GALNT18: variants seen among roughly 807,000 people sequenced by gnomAD.
GALNT18 encodes the protein polypeptide N-acetylgalactosaminyltransferase 18, also known as GalNAc-transferase 18.
Under a neutral mutation model 69.5 loss-of-function variants are expected in GALNT18, and 44 were observed. That is an observed-to-expected ratio of 0.63 (90% CI 0.50 to 0.81). The LOEUF (loss-of-function observed/expected upper bound fraction) is 0.81. Ranked by LOEUF, GALNT18 falls within the 40% of genes least tolerant of loss-of-function variation. GALNT18 has a pLI of 0.00. For missense variants in GALNT18, 715 were observed against 810.0 expected, an observed-to-expected ratio of 0.88 and a Z score of 1.42; for synonymous variants, 364 against 318.2, an observed-to-expected ratio of 1.14 and a Z score of -1.53.
At chr11:11,478,403 G>A (rs1017657120) in intron 1 of GALNT18, among the ~76,000 whole-genome samples, 2 of 152,166 alleles carry the variant, frequency 1.3e-5, no homozygotes, top group African/African-American at 4.8e-5. Context: ...CTATAAAAAG[G>A]GAGTAAACCA....
In GALNT18 at chr11:11,511,604, C is replaced by T. The variant is rs1198504778; in HGVS notation, c.236-62668G>A. ...TGCACACTGTGTTATGGAATGAAAG[C>T]TTCTGTTTCCACTAAAATTGATAGG... On this transcript the variant is annotated intron_variant, in intron 1 of 10. Transcript: ENST00000227756. This position sits in a 1 kb window ranked among gnomAD's most constrained non-coding sequence, Gnocchi z 4.9. Among the ~76,000 whole-genome samples the T allele has an allele frequency of 6.6e-6, 1 of 152,230 alleles. No individual in the cohort carries two copies. The highest frequency in any genetic ancestry group is 1.5e-5 in the Non-Finnish European group (1 of 68,048).
chr11:11,283,366 C>T (rs934613479), intron 10 of GALNT18, among the ~76,000 whole-genome samples: 1 of 152,104 alleles, frequency 6.6e-6, no homozygotes, highest in African/African-American at 2.4e-5. Flanking sequence ...AGGCTGGTCT[C>T]GAACTCCTGA....
At chr11:11,530,904 G>T (rs1337401358) in intron 1 of GALNT18, among the ~76,000 whole-genome samples, 1 of 152,214 alleles carries the variant, frequency 6.6e-6, no homozygotes, top group Non-Finnish European at 1.5e-5. Flanking sequence ...AGCCAAGGAG[G>T]TAGGGTCAAG....
In GALNT18 at chr11:11,338,291, C is replaced by T. The variant is rs773227075; in HGVS notation, c.1278+2528G>A. On this transcript the variant is annotated intron_variant, in intron 7 of 10. Coordinates refer to ENST00000227756, the MANE Select transcript of GALNT18 (RefSeq NM_198516.3). This position sits in a 1 kb window ranked among gnomAD's most constrained non-coding sequence, Gnocchi z 5.3. ...CCTCATTTAAAGATTTTAAGCAGGG[C>T]GATGGCATGGTTGTTGTGAGTGTTT... 1.3e-5 allele frequency among the ~76,000 whole-genome samples: 2 copies of T among 151,930 alleles called. No homozygotes were observed. Among genetic ancestry groups the T allele is most frequent in the African/African-American group, 4.8e-5 (2 of 41,350 alleles).
At chr11:11,527,582 C>A (rs913750673) in intron 1 of GALNT18, among the ~76,000 whole-genome samples, 2 of 151,068 alleles carry the variant, frequency 1.3e-5, no homozygotes, top group African/African-American at 4.9e-5. Flanking sequence ...TGAGCAATGG[C>A]CCATGAAATA....
intron 3 of GALNT18, among the ~76,000 whole-genome samples, chr11:11,406,173 T>C (rs1246757550): frequency 1.3e-5 from 2 of 152,260 alleles, no homozygotes; most frequent in African/African-American, 4.8e-5. Flanking sequence ...GTCATTGAAT[T>C]TTAAAATAAT....
chr11:11,486,251 A>G (rs1162551345), intron 1 of GALNT18, among the ~76,000 whole-genome samples: 3 of 152,132 alleles, frequency 2.0e-5, no homozygotes, highest in African/African-American at 4.8e-5. Context: ...CCCTGTATTC[A>G]TTTCCTCAAA....
intron 10 of GALNT18, among the ~76,000 whole-genome samples, chr11:11,289,048 G>A (rs964005582): frequency 3.3e-5 from 5 of 152,104 alleles, no homozygotes; most frequent in African/African-American, 1.2e-4. Context: ...TAGTTGGTAG[G>A]ATCTGAATGC....
At position 11,511,357 on chromosome 11, in the gene GALNT18, GC is replaced by G. The variant is rs1857160745; in HGVS notation, c.236-62422del. 1.3e-5 allele frequency among the ~76,000 whole-genome samples: 2 copies of G among 152,122 alleles called. No homozygotes were observed. Among genetic ancestry groups the G allele is most frequent in the Non-Finnish European group, 2.9e-5 (2 of 68,028 alleles). ...GACCTTACACACTGGTCTGCAAAGA[GC>G]TACAGCTCAAGGTTGCTGTGTCCCC... On this transcript the variant is annotated intron_variant, in intron 1 of 10. Transcript: ENST00000227756. This position sits in a 1 kb window ranked among gnomAD's most constrained non-coding sequence, Gnocchi z 4.9.
intron 9 of GALNT18, among the ~76,000 whole-genome samples, chr11:11,304,169 C>A (rs1252061998): frequency 1.3e-5 from 2 of 152,220 alleles, no homozygotes; most frequent in East Asian, 3.9e-4. Flanking sequence ...GACCCATAAA[C>A]TTTTACTGCT....
intron 1 of GALNT18, among the ~76,000 whole-genome samples, chr11:11,468,297 C>A (rs575161196): frequency 6.6e-6 from 1 of 152,182 alleles, no homozygotes; most frequent in Non-Finnish European, 1.5e-5. Flanking sequence ...AGACCCACCT[C>A]CCCAAGGCAA....
chr11:11,483,527 G>T (rs996889020), intron 1 of GALNT18, among the ~76,000 whole-genome samples: 11 of 152,344 alleles, frequency 7.2e-5, no homozygotes, highest in African/African-American at 2.6e-4. Flanking sequence ...TTCTGGAGAA[G>T]CCAATGGCAG....
At chr11:11,551,568 C>A (rs781720016) in intron 1 of GALNT18, among the ~76,000 whole-genome samples, 53 of 152,130 alleles carry the variant, frequency 3.5e-4, no homozygotes, top group Non-Finnish European at 6.6e-4. Flanking sequence ...ATAGCTTACT[C>A]CCATGGAGAG....
intron 1 of GALNT18, among the ~76,000 whole-genome samples, chr11:11,451,903 G>A (rs1302960896): frequency 6.6e-6 from 1 of 152,168 alleles, no homozygotes; most frequent in Non-Finnish European, 1.5e-5. Flanking sequence ...CTCTACACCA[G>A]GGGTGGCAAA....
chr11:11,285,712 A>T (rs1208721543), intron 10 of GALNT18, among the ~76,000 whole-genome samples: 2 of 152,218 alleles, frequency 1.3e-5, no homozygotes, highest in Non-Finnish European at 2.9e-5. Flanking sequence ...AAAGGTTCTC[A>T]AAGTTGGACT....
At chr11:11,308,816 C>G (rs902553118) in intron 9 of GALNT18, among the ~76,000 whole-genome samples, 2 of 152,224 alleles carry the variant, frequency 1.3e-5, no homozygotes, top group African/African-American at 4.8e-5. Flanking sequence ...TCACAGCTTC[C>G]TCTACATCAC....
intron 1 of GALNT18, among the ~76,000 whole-genome samples, chr11:11,578,330 C>CAAAAAAAAAAAAAAAAAAAAAA (rs57579910): frequency 8.3e-6 from 1 of 120,588 alleles, no homozygotes; most frequent in Admixed American, 8.5e-5. Flanking sequence ...TAAAAAGAAC[C>CAAAAAAAAAAAAAAAAAAAAAA]AAAAAAAAAA....
intron 1 of GALNT18, among the ~76,000 whole-genome samples, chr11:11,533,470 C>T (rs375543736): frequency 1.2e-4 from 18 of 152,290 alleles, no homozygotes; most frequent in East Asian, 9.6e-4. Context: ...TATCCACATA[C>T]GTCTCCCTAA....
intron 1 of GALNT18, among the ~76,000 whole-genome samples, chr11:11,498,660 A>G (rs1259888661): frequency 1.3e-5 from 2 of 152,202 alleles, no homozygotes; most frequent in African/African-American, 2.4e-5. Flanking sequence ...TCAGCCGGGC[A>G]TGGTGCTGTG....
Sources: gnomAD v4.1 joint callset for allele counts (sites outside exome capture counted in the v4.1 genomes callset) on GRCh38, gnomAD v4.1.1 for gene constraint, Gnocchi (gnomAD v3.1) non-coding constraint, MANE v1.5 for transcripts, NCBI Gene and HGNC (gene_info 2026-07-23, HGNC 2026-07-21) for gene names.